Variants in FBXO25 observed in about 807,000 individuals in gnomAD.
The protein encoded by FBXO25 is F-box protein 25, also known as F-box only protein 25.
Under a neutral mutation model 51.9 loss-of-function variants are expected in FBXO25, and 45 were observed. That is an observed-to-expected ratio of 0.87 (90% CI 0.68 to 1.11). The LOEUF (loss-of-function observed/expected upper bound fraction) is 1.11, where lower values mean the gene tolerates loss of function less well. FBXO25 is among the 50% of genes most tolerant of loss of function. The pLI, the probability that FBXO25 is intolerant of heterozygous loss-of-function variation, is 0.00. For missense variants in FBXO25, 507 were observed against 428.5 expected (o/e 1.18, Z -1.62); for synonymous variants, 199 against 151.0 (o/e 1.32, Z -2.33).
At chr8:407,265 T>A in intron 1 of FBXO25, 199 bp downstream of exon 1, 1 of 723,280 alleles carries the variant, frequency 1.4e-6, no homozygotes, top group Non-Finnish European at 1.6e-6. Context: ...TGTGGGAGGG[T>A]CAGGTGGGGA....
intron 2 of FBXO25, among the ~76,000 whole-genome samples, chr8:422,860 C>T (rs574893128): frequency 2.0e-5 from 3 of 152,056 alleles, no homozygotes; most frequent in Non-Finnish European, 1.5e-5. Context: ...ATGGAGCTTT[C>T]TATGGTGTCT....
In FBXO25 at chr8:473,719, T is replaced by G. The variant is rs754514474; in HGVS notation, c.*4915T>G. The G allele has an allele frequency of 2.1e-5, 3 of 145,332 alleles. No homozygotes were observed. The highest frequency in any genetic ancestry group is 4.5e-5 in the Non-Finnish European group (3 of 66,534). The allele number at this position is 145,332 out of a possible 1,614,324, so 9.0% of individuals were successfully genotyped here. On this transcript the variant is annotated 3_prime_UTR_variant, in exon 10 of 10. Transcript: ENST00000350302. ...AACCAGCGTTCACTGAGGATGCGGT[T>G]TCTTTGAAATGCTCTTGTTCTTCCT...
chr8:440,203 A>G (rs1460496886), intron 5 of FBXO25, among the ~76,000 whole-genome samples: 2 of 152,200 alleles, frequency 1.3e-5, no homozygotes, highest in Admixed American at 6.5e-5. Flanking sequence ...TGACTTCATC[A>G]TCACATCCAT....
intron 5 of FBXO25, among the ~76,000 whole-genome samples, chr8:444,810 C>T (rs1321416712): frequency 6.6e-6 from 1 of 152,150 alleles, no homozygotes; most frequent in African/African-American, 2.4e-5. Flanking sequence ...GTTACAGTTG[C>T]TGTTCAGTGC....
At chr8:453,600 C>T (rs1486627520) in intron 7 of FBXO25, among the ~76,000 whole-genome samples, 1 of 152,128 alleles carries the variant, frequency 6.6e-6, no homozygotes, top group Non-Finnish European at 1.5e-5. Flanking sequence ...GTCTCCTGAC[C>T]TGCTGGCTGA....
intron 2 of FBXO25, among the ~76,000 whole-genome samples, chr8:423,432 T>TA (rs1797278219): frequency 6.6e-6 from 1 of 152,170 alleles, no homozygotes. Context: ...TAGTTTTTTT[T>TA]AACCCACCCC....
intron 2 of FBXO25, among the ~76,000 whole-genome samples, chr8:414,496 G>A (rs1796676653): frequency 6.6e-6 from 1 of 152,150 alleles, no homozygotes; most frequent in Non-Finnish European, 1.5e-5. Context: ...TTGAAGTGCA[G>A]TGTTACTGCT....
rs1799922537 is a variant in FBXO25 at position 463,067 on chromosome 8, G to A, written c.904G>A (p.Ala302Thr). 2 of 1,613,936 alleles carry A rather than the reference G, an allele frequency of 1.2e-6. No individual in the cohort carries two copies. The highest frequency in any genetic ancestry group is 1.7e-6 in the Non-Finnish European group (2 of 1,179,976). ...TATTGAATGGAAGTTGATGTACTTT[G>A]CACTTCAGAAACATTACCCAGCGAA... is the stretch of plus-strand genomic sequence containing the variant. ...GHIEWKLMYF[A>T]LQKHYPAKEQ... The change falls in exon 9 of 10, where the codon GCA (alanine) becomes ACA (threonine). Residue 302 changes from alanine to threonine, a missense_variant. Transcript: ENST00000350302.
At chr8:468,013 C>A in intron 9 of FBXO25, 76 of 1,313,546 alleles carry the variant, frequency 5.8e-5, no homozygotes, top group Non-Finnish European at 7.4e-5. Flanking sequence ...CCACACAGCA[C>A]CTGGTTTGGC....
intron 2 of FBXO25, among the ~76,000 whole-genome samples, chr8:423,082 A>G (rs1797250966): frequency 6.6e-6 from 1 of 152,308 alleles, no homozygotes; most frequent in African/African-American, 2.4e-5. Flanking sequence ...ACTAACTGAA[A>G]AGCCCCTTCC....
At chr8:418,945 G>A (rs1017914546) in intron 2 of FBXO25, among the ~76,000 whole-genome samples, 1 of 152,032 alleles carries the variant, frequency 6.6e-6, no homozygotes, top group Non-Finnish European at 1.5e-5. Flanking sequence ...GTTTTAAGAA[G>A]AAAACAGTAT....
At chr8:453,357 G>C (rs967961809) in intron 7 of FBXO25, among the ~76,000 whole-genome samples, 2 of 152,120 alleles carry the variant, frequency 1.3e-5, no homozygotes, top group Non-Finnish European at 2.9e-5. Context: ...GGAGCACGCA[G>C]CTTGGCATGT....
At chr8:459,662 C>G (rs1799681043) in intron 8 of FBXO25, among the ~76,000 whole-genome samples, 1 of 152,162 alleles carries the variant, frequency 6.6e-6, no homozygotes, top group South Asian at 2.1e-4. Flanking sequence ...GGGGCTGCCA[C>G]AGGAAGGGGC....
At chr8:410,238 TTTA>T (rs1294109070) in intron 1 of FBXO25, among the ~76,000 whole-genome samples, 1 of 152,206 alleles carries the variant, frequency 6.6e-6, no homozygotes, top group African/African-American at 2.4e-5. Context: ...GTAAACACAC[TTTA>T]TTATATTACA....
rs191630669 is a variant in FBXO25 at position 430,515 on chromosome 8, G to C, written c.135-826G>C. Among the ~76,000 whole-genome samples, 619 of 152,124 alleles carry C rather than the reference G, an allele frequency of 4.1e-3. 6 individuals carry two copies. Among genetic ancestry groups the C allele is most frequent in the African/African-American group, 0.014 (595 of 41,494 alleles). ...GTGTACAATTTTCTTGTCAAAGAACGATGACCGGCAAATAAGCAATTTTAG... is the reference window on the plus strand; with the variant it reads ...GTGTACAATTTTCTTGTCAAAGAACCATGACCGGCAAATAAGCAATTTTAG... On this transcript the variant is annotated intron_variant, in intron 2 of 9. Transcript: ENST00000350302.
intron 7 of FBXO25, 110 bp from the exon 8 acceptor site, chr8:458,259 T>C (rs556116907): frequency 7.8e-7 from 1 of 1,275,302 alleles, no homozygotes; most frequent in East Asian, 2.3e-5. Flanking sequence ...TGGAGAGCTC[T>C]TTTTGTGTTA....
rs990446296 is a variant in FBXO25, at chr8:468,293, C to T, written c.988-422C>T. 4.6e-5 allele frequency: 47 copies of T among 1,013,838 alleles called. No individual in the cohort carries two copies. The African/African-American group carries it at 5.9e-4, about 13-fold the overall frequency. 62.8% of individuals were successfully genotyped at this position (1,013,838 alleles called of 1,614,324 possible). On this transcript the variant is annotated intron_variant, in intron 9 of 9. Coordinates refer to ENST00000350302, the MANE Select transcript of FBXO25 (RefSeq NM_183420.2). The stretch of plus-strand genomic sequence containing the variant: ...CCCAAGCTGATTCAGGGATGAATGG[C>T]GGGTGGAGGGAACCCTGTGTAACAA...
intron 2 of FBXO25, among the ~76,000 whole-genome samples, chr8:416,952 G>A (rs779159228): frequency 2.6e-5 from 4 of 152,216 alleles, no homozygotes; most frequent in African/African-American, 9.6e-5. Flanking sequence ...GATCTATAGA[G>A]AGTGGCCTCT....
chr8:441,341 C>G (rs1180331672), intron 5 of FBXO25, among the ~76,000 whole-genome samples: 2 of 152,188 alleles, frequency 1.3e-5, no homozygotes, highest in East Asian at 1.9e-4. Flanking sequence ...GGACCGCTTC[C>G]TTACACCTTT....
Sources: allele counts gnomAD v4.1 joint callset (sites outside exome capture counted in the v4.1 genomes callset), GRCh38; gene constraint gnomAD v4.1.1; transcripts MANE v1.5; gene names NCBI Gene and HGNC (gene_info 2026-07-23, HGNC 2026-07-21).